SH3TC1: variants seen among roughly 807,000 people sequenced by gnomAD.
SH3TC1 encodes the protein SH3 domain and tetratricopeptide repeat-containing protein 1.
Under a neutral mutation model 117.3 loss-of-function variants are expected in SH3TC1, and 135 were observed. The observed-to-expected ratio is 1.15, with a 90% CI of 1.00 to 1.33. SH3TC1 has a LOEUF of 1.33. Ranked by LOEUF, SH3TC1 falls within the 40% of genes most tolerant of loss-of-function variation. The pLI is 0.00. For missense variants in SH3TC1, 2,092 were observed against 1,794.3 expected (o/e 1.17, Z -3.00); for synonymous variants, 898 against 816.9 (o/e 1.10, Z -1.69).
intron 11 of SH3TC1, among the ~76,000 whole-genome samples, chr4:8,226,186 G>A (rs143814166): frequency 2.6e-5 from 4 of 152,188 alleles, no homozygotes; most frequent in East Asian, 1.9e-4. Context: ...GTCTCCTTTC[G>A]TCCCAGGTTT....
Position 8,225,650 on chromosome 4 carries a change from T to C in SH3TC1, c.1285+434T>C, listed in dbSNP as rs1720390303. 6.6e-6 allele frequency among the ~76,000 whole-genome samples: 1 copy of C among 152,158 alleles called. No individual in the cohort carries two copies. Among genetic ancestry groups the C allele is most frequent in the Non-Finnish European group, 1.5e-5 (1 of 68,024 alleles). The stretch of plus-strand genomic sequence containing the variant: ...CAACTGAGGTCCCTCAAGGGTCTGC[T>C]CCTTCCTGAGGGGCTGATTGAGGGA... On this transcript the variant is annotated intron_variant, in intron 11 of 17. Transcript: ENST00000245105. The surrounding 1 kb of genome is among the most constrained non-coding windows in gnomAD (Gnocchi z 5.5).
At chr4:8,237,354 G>A in intron 16 of SH3TC1, 120 bp from the exon 17 acceptor site, 2 of 760,866 alleles carry the variant, frequency 2.6e-6, no homozygotes, top group Non-Finnish European at 4.0e-6. Context: ...GCTGGGAAGG[G>A]ACTGGCCAGA....
Position 8,228,462 on chromosome 4 carries a change from A to G in SH3TC1, c.2768A>G (p.Gln923Arg), listed in dbSNP as rs375737806. ...CATGCGGGTGCCAGCAGGCTGGCCC[A>G]GCACTACCTCCTGGAGGCCGTGCGG... ...CLHAGASRLA[Q>R]HYLLEAVRLF... is the part of the protein sequence containing the mutation. The change falls in exon 12 of 18, where the codon CAG (glutamine) becomes CGG (arginine). Residue 923 changes from glutamine (Q) to arginine (R), a missense_variant. Transcript: ENST00000245105. 6.2e-6 allele frequency: 10 copies of G among 1,607,034 alleles called. No individual in the cohort carries two copies. In the African/African-American group the frequency reaches 1.3e-4, roughly 21 times the overall value.
rs2152982503 is a variant in SH3TC1, at chr4:8,210,796, A to G, written c.247+974A>G. 7.1e-6 allele frequency among the ~76,000 whole-genome samples: 1 copy of G among 141,054 alleles called. No individual in the cohort carries two copies. The highest frequency in any genetic ancestry group is 2.3e-4 in the South Asian group (1 of 4,426). 92.5% of individuals were successfully genotyped at this position (141,054 alleles called of 152,430 possible). On this transcript the variant is annotated intron_variant, in intron 3 of 17. Coordinates refer to ENST00000245105, the MANE Select transcript of SH3TC1 (RefSeq NM_018986.5). The surrounding 1 kb of genome is among the most constrained non-coding windows in gnomAD (Gnocchi z 4.1). ...AAAAGGCCGTCACAGCTCAGGAACCATTGTGGAATGATGGGCTGGTGCCTC... is the reference window on the plus strand; with the variant it reads ...AAAAGGCCGTCACAGCTCAGGAACCGTTGTGGAATGATGGGCTGGTGCCTC...
At chr4:8,218,129 TGTGTGTGCAC>T in intron 7 of SH3TC1, 132 bp from the exon 8 acceptor site, 1 of 569,828 alleles carries the variant, frequency 1.8e-6, no homozygotes, top group Non-Finnish European at 3.2e-6. Flanking sequence ...TGTGTGTGTG[TGTGTGTGCAC>T]GTGTGTGTGT....
chr4:8,237,338 C>A, intron 16 of SH3TC1, 136 bp from the exon 17 acceptor site: 1 of 663,672 alleles, frequency 1.5e-6, no homozygotes, highest in Non-Finnish European at 2.4e-6. Context: ...GAAAGTGAGT[C>A]TGGGAGCTGG....
chr4:8,225,326 C>T lies in SH3TC1; in HGVS notation c.1285+110C>T. On this transcript the variant is annotated intron_variant, in intron 11 of 17. Transcript: ENST00000245105. The surrounding 1 kb of genome is among the most constrained non-coding windows in gnomAD (Gnocchi z 5.5). ...GGTGGGCATTGGGTGCGGCTGTCACCCCTCTGTGGTGTGGGCTGGGGGCTT... is the reference window on the plus strand; with the variant it reads ...GGTGGGCATTGGGTGCGGCTGTCACTCCTCTGTGGTGTGGGCTGGGGGCTT... The T allele has an allele frequency of 1.6e-6, 2 of 1,245,770 alleles. No homozygotes were observed. Among genetic ancestry groups the T allele is most frequent in the Non-Finnish European group, 2.3e-6 (2 of 877,604 alleles). 77.2% of individuals were successfully genotyped at this position (1,245,770 alleles called of 1,614,324 possible).
In SH3TC1 at chr4:8,229,777, C is replaced by T. The variant is rs537929071; in HGVS notation, c.2950+1133C>T. 3.6e-4 allele frequency among the ~76,000 whole-genome samples: 55 copies of T among 152,176 alleles called. 2 individuals are homozygous for T. In the Middle Eastern group the frequency reaches 0.02, roughly 56 times the overall value. The stretch of plus-strand genomic sequence containing the variant: ...ACTGCAAGGAGACCCTCCAGAAACC[C>T]GGCACCCCAGCCCCCACAGCAGCCT... On this transcript the variant is annotated intron_variant, in intron 12 of 17. Transcript: ENST00000245105.
intron 1 of SH3TC1, among the ~76,000 whole-genome samples, chr4:8,188,681 CAAGT>C (rs962274398): frequency 1.5e-4 from 23 of 152,168 alleles, no homozygotes; most frequent in Non-Finnish European, 2.6e-4. Flanking sequence ...CTGCAGCAAG[CAAGT>C]GAGGGGAGAC....
Position 8,235,718 on chromosome 4 carries a change from C to T in SH3TC1, c.3405+163C>T, listed in dbSNP as rs370541301. 5.9e-6 allele frequency: 6 copies of T among 1,014,432 alleles called. No homozygotes were observed. The African/African-American group carries it at 8.1e-5, about 14-fold the overall frequency. The allele number at this position is 1,014,432 out of a possible 1,614,324, so 62.8% of individuals were successfully genotyped here. On this transcript the variant is annotated intron_variant, in intron 15 of 17. Coordinates refer to ENST00000245105, the MANE Select transcript of SH3TC1 (RefSeq NM_018986.5). ...ACCGGGAATGATATTGACTGTGCCC[C>T]CCGCCCGGGACAAACACTTGGGGCC...
In SH3TC1 at chr4:8,209,170, C is replaced by T. The variant is rs564262264; in HGVS notation, c.173-578C>T. ...AAAGATGCCCATGTCCTTATCCCCA[C>T]GACCTACGCCTGCATTACCTCATCC... is the stretch of plus-strand genomic sequence containing the variant. On this transcript the variant is annotated intron_variant, in intron 2 of 17. Transcript: ENST00000245105. This position sits in a 1 kb window ranked among gnomAD's most constrained non-coding sequence, Gnocchi z 5.9. Among the ~76,000 whole-genome samples the T allele has an allele frequency of 2.0e-5, 3 of 152,334 alleles. No individual in the cohort carries two copies. Among genetic ancestry groups the T allele is most frequent in the African/African-American group, 4.8e-5 (2 of 41,574 alleles).
chr4:8,228,645 G>A lies in SH3TC1; in HGVS notation c.2950+1G>A. 6.7e-7 allele frequency: 1 copy of A among 1,488,846 alleles called. No individual in the cohort carries two copies. Among genetic ancestry groups the A allele is most frequent in the Non-Finnish European group, 8.9e-7 (1 of 1,120,832 alleles). 92.2% of individuals were successfully genotyped at this position (1,488,846 alleles called of 1,614,324 possible). A position where few individuals can be genotyped will look rare whatever the true frequency, so the allele number is the denominator to read the frequency against. On this transcript the variant is annotated splice_donor_variant, in intron 12 of 17. Transcript: ENST00000245105. LOFTEE classifies it high-confidence loss of function. ...GCCGTGGAGATGGGCCACGTGGAGA[G>A]TGAGTGCCCCAGTTCCTTCTGTGTG...
At chr4:8,189,325 G>A (rs909140618) in intron 1 of SH3TC1, among the ~76,000 whole-genome samples, 1 of 152,296 alleles carries the variant, frequency 6.6e-6, no homozygotes, top group Non-Finnish European at 1.5e-5. Flanking sequence ...AAGTGGTGGT[G>A]ACAGATGATG....
At chr4:8,223,725 C>T (rs57281392) in intron 10 of SH3TC1, among the ~76,000 whole-genome samples, 1,593 of 151,872 alleles carry the variant, frequency 0.01, 27 homozygotes, top group African/African-American at 0.037. Context: ...CTCTGCCTCC[C>T]GGGTTCAAGC....
At chr4:8,185,016 T>C (rs1259469163) in intron 1 of SH3TC1, among the ~76,000 whole-genome samples, 1 of 151,656 alleles carries the variant, frequency 6.6e-6, no homozygotes, top group Non-Finnish European at 1.5e-5. Flanking sequence ...CCTAGGTTTG[T>C]TCTTTTTTTT....
chr4:8,238,031 GAGA>G (rs1450547801), intron 17 of SH3TC1, among the ~76,000 whole-genome samples: 2 of 152,174 alleles, frequency 1.3e-5, no homozygotes, highest in African/African-American at 2.4e-5. Context: ...ACAGGGTAGG[GAGA>G]AGGACATTTG....
In SH3TC1 at chr4:8,240,871, A is replaced by G; in HGVS notation, c.3927A>G (p.Thr1309=). 5 of 1,613,684 alleles carry G rather than the reference A, an allele frequency of 3.1e-6. No individual in the cohort carries two copies. The highest frequency in any genetic ancestry group is 4.2e-6 in the Non-Finnish European group (5 of 1,180,032). ...ACCAGAAGGCCAGGACCTTCGCCACAGAGCTCAACGTCCGCAGGGTCAACC... is the reference window on the plus strand; with the variant it reads ...ACCAGAAGGCCAGGACCTTCGCCACGGAGCTCAACGTCCGCAGGGTCAACC... The part of the protein sequence containing the change: ...FFYQKARTFA[T]ELNVRRVNLP... Residue 1309 remains threonine (T), a synonymous_variant, in exon 18 of 18, where the codon ACA becomes ACG. Coordinates refer to ENST00000245105, the MANE Select transcript of SH3TC1 (RefSeq NM_018986.5).
chr4:8,200,053 C>A (rs1717726795), intron 1 of SH3TC1, among the ~76,000 whole-genome samples: 1 of 152,208 alleles, frequency 6.6e-6, no homozygotes, highest in South Asian at 2.1e-4. Flanking sequence ...TGTGCGTGAT[C>A]CCCAGGAGCC....
At chr4:8,220,947 T>C (rs1719864406) in intron 9 of SH3TC1, among the ~76,000 whole-genome samples, 3 of 152,244 alleles carry the variant, frequency 2.0e-5, no homozygotes, top group Admixed American at 1.3e-4. Context: ...TGCTCCATCA[T>C]AGACTTCATC....
Sources: allele counts gnomAD v4.1 joint callset (sites outside exome capture counted in the v4.1 genomes callset), GRCh38; gene constraint gnomAD v4.1.1; non-coding constraint Gnocchi (gnomAD v3.1); transcripts MANE v1.5; gene names NCBI Gene and HGNC (gene_info 2026-07-23, HGNC 2026-07-21).